The following TNFSF4 variants were observed in gnomAD, a reference collection of about 807,000 sequenced individuals.
TNFSF4 encodes the protein TNF superfamily member 4, also known as tumor necrosis factor ligand superfamily member 4.
A neutral mutation model predicts 7.3 loss-of-function variants in TNFSF4; 4 were observed. The ratio of observed to expected loss-of-function variants is 0.55; its 90% CI spans 0.27 to 1.25. The LOEUF (loss-of-function observed/expected upper bound fraction) is 1.25. Among genes scored for constraint, TNFSF4 ranks in the 50% most tolerant of loss-of-function variants. The pLI is 0.12. For synonymous variants in TNFSF4, 76 were observed against 83.7 expected (o/e 0.91, Z 0.50); for missense variants, 181 against 208.8 (o/e 0.87, Z 0.82).
At chr1:173,336,693 CTA>C in the TNFSF4 span, among the ~76,000 whole-genome samples, 25 of 152,112 alleles carry the variant, frequency 1.6e-4, no homozygotes, top group Non-Finnish European at 2.4e-4. Flanking sequence ...CCAATTGGAA[CTA>C]GTGAGCAAGA....
At chr1:173,352,806 C>T in the TNFSF4 span, among the ~76,000 whole-genome samples, 1 of 152,144 alleles carries the variant, frequency 6.6e-6, no homozygotes, top group Admixed American at 6.5e-5. Context: ...TGCAGGAGGC[C>T]AGGGCGTATT....
the TNFSF4 span, among the ~76,000 whole-genome samples, chr1:173,259,256 T>C: frequency 6.6e-6 from 1 of 152,036 alleles, no homozygotes; most frequent in Non-Finnish European, 1.5e-5. Flanking sequence ...AGCAGCCCTA[T>C]TGAAGAAGGG....
chr1:173,217,723 T>C, the TNFSF4 span, among the ~76,000 whole-genome samples: 12 of 152,176 alleles, frequency 7.9e-5, no homozygotes, highest in African/African-American at 2.9e-4. Context: ...ATTAATTTTA[T>C]CTGTTTCTTT....
At chr1:173,366,748 C>T in the TNFSF4 span, among the ~76,000 whole-genome samples, 2 of 151,896 alleles carry the variant, frequency 1.3e-5, no homozygotes, top group Admixed American at 1.3e-4. Context: ...AACCCACAAA[C>T]ATATGCACTG....
intron 1 of TNFSF4, chr1:173,205,344 G>A: frequency 6.2e-7 from 1 of 1,611,912 alleles, no homozygotes; most frequent in Non-Finnish European, 8.5e-7. Context: ...CCAGCACCCT[G>A]CTTTTCTTCC....
At chr1:173,281,307 G>C in the TNFSF4 span, among the ~76,000 whole-genome samples, 1 of 152,154 alleles carries the variant, frequency 6.6e-6, no homozygotes, top group Non-Finnish European at 1.5e-5. Context: ...TATGCACTCT[G>C]AATGGAAAGA....
chr1:173,240,299 AT>A, the TNFSF4 span, among the ~76,000 whole-genome samples: 3 of 151,926 alleles, frequency 2.0e-5, no homozygotes, highest in South Asian at 6.2e-4. Flanking sequence ...TTTCATCTTT[AT>A]TTCCCATCTA....
chr1:173,254,318 G>A, the TNFSF4 span, among the ~76,000 whole-genome samples: 365 of 152,290 alleles, frequency 2.4e-3, 1 homozygote, highest in African/African-American at 8.3e-3. Flanking sequence ...CATACAGTGG[G>A]TTTTGTAAGG....
At chr1:173,183,169 T>G (rs1159746783), downstream of TNFSF4, among the ~76,000 whole-genome samples, 6 of 152,010 alleles carry the variant, frequency 3.9e-5, no homozygotes, top group East Asian at 1.2e-3. Flanking sequence ...AGTCCTGAAG[T>G]ACACCAGCAT....
At chr1:173,203,367 A>G (rs564571690) in intron 1 of TNFSF4, among the ~76,000 whole-genome samples, 6 of 152,344 alleles carry the variant, frequency 3.9e-5, no homozygotes, top group African/African-American at 1.2e-4. Context: ...TCAACTTCAG[A>G]TGTTAATTTT....
At chr1:173,328,833 T>C in the TNFSF4 span, among the ~76,000 whole-genome samples, 1 of 152,140 alleles carries the variant, frequency 6.6e-6, no homozygotes, top group African/African-American at 2.4e-5. Flanking sequence ...TCAATTTAAA[T>C]CAAATTAGAA....
At chr1:173,194,453 G>C (rs1047591590) in intron 1 of TNFSF4, among the ~76,000 whole-genome samples, 1 of 152,192 alleles carries the variant, frequency 6.6e-6, no homozygotes. Flanking sequence ...AAAAATCACT[G>C]TAGGCTTTGA....
chr1:173,311,699 G>A, the TNFSF4 span, among the ~76,000 whole-genome samples: 3 of 152,048 alleles, frequency 2.0e-5, no homozygotes, highest in East Asian at 1.9e-4. Context: ...GAGTCAACCA[G>A]GTAGAGCATA....
At chr1:173,196,937 G>T (rs1374305025) in intron 1 of TNFSF4, among the ~76,000 whole-genome samples, 1 of 152,156 alleles carries the variant, frequency 6.6e-6, no homozygotes, top group Non-Finnish European at 1.5e-5. Context: ...GGAAGGGTAG[G>T]TTTACAAGGT....
At chr1:173,255,463 G>A in the TNFSF4 span, among the ~76,000 whole-genome samples, 1 of 152,128 alleles carries the variant, frequency 6.6e-6, no homozygotes, top group African/African-American at 2.4e-5. Context: ...TATTATTTAG[G>A]TTTAAGTTTA....
At chr1:173,334,384 G>A in the TNFSF4 span, among the ~76,000 whole-genome samples, 6 of 152,198 alleles carry the variant, frequency 3.9e-5, no homozygotes, top group East Asian at 5.8e-4. Flanking sequence ...AATGACATTC[G>A]CCACTTGATC....
At chr1:173,247,886 C>T in the TNFSF4 span, among the ~76,000 whole-genome samples, 1 of 152,252 alleles carries the variant, frequency 6.6e-6, no homozygotes, top group South Asian at 2.1e-4. Context: ...AATGATAAGA[C>T]TTTTAAACAA....
chr1:173,399,172 G>A, the TNFSF4 span, among the ~76,000 whole-genome samples: 1 of 148,508 alleles, frequency 6.7e-6, no homozygotes, highest in Non-Finnish European at 1.5e-5. Context: ...TGAGGCACAA[G>A]TAAGTAATAT....
the TNFSF4 span, among the ~76,000 whole-genome samples, chr1:173,425,660 T>C: frequency 6.6e-6 from 1 of 152,272 alleles, no homozygotes; most frequent in South Asian, 2.1e-4. Context: ...GAAAAGGACA[T>C]CAGGCAGTTA....
Sources: gnomAD v4.1 joint callset for allele counts (sites outside exome capture counted in the v4.1 genomes callset) on GRCh38, gnomAD v4.1.1 for gene constraint, MANE v1.5 for transcripts, NCBI Gene and HGNC (gene_info 2026-07-23, HGNC 2026-07-21) for gene names.